MCCC1: variants seen among roughly 807,000 people sequenced by gnomAD.
The protein encoded by MCCC1 is methylcrotonoyl-CoA carboxylase subunit alpha, mitochondrial.
A neutral mutation model predicts 83.8 loss-of-function variants in MCCC1; 64 were observed. That is an observed-to-expected ratio of 0.76 (90% CI 0.62 to 0.94). MCCC1 has a LOEUF of 0.94. MCCC1 is among the 40% of genes least tolerant of loss of function. The pLI, the probability that MCCC1 is intolerant of heterozygous loss-of-function variation, is 0.00. For synonymous variants in MCCC1, 322 were observed against 315.4 expected (o/e 1.02, Z -0.22); for missense variants, 807 against 904.7 (o/e 0.89, Z 1.39).
chr3:183,059,096 C>T (rs1043474391), intron 7 of MCCC1, among the ~76,000 whole-genome samples: 1 of 152,090 alleles, frequency 6.6e-6, no homozygotes, highest in African/African-American at 2.4e-5. Context: ...TCACCTGAGG[C>T]CAGGAGTTCA....
upstream of MCCC1, chr3:183,099,612 C>G: frequency 1.3e-6 from 1 of 746,852 alleles, no homozygotes; most frequent in East Asian, 2.7e-5. Context: ...GAACACCAAT[C>G]AAAGACCAGA....
intron 7 of MCCC1, among the ~76,000 whole-genome samples, chr3:183,061,093 G>A (rs370451112): frequency 2.0e-5 from 3 of 152,074 alleles, no homozygotes; most frequent in African/African-American, 4.8e-5. Context: ...TGGGGATAGC[G>A]GGTTAGGTTT....
intron 14 of MCCC1, among the ~76,000 whole-genome samples, chr3:183,030,178 C>T (rs1712935014): frequency 6.6e-6 from 1 of 152,072 alleles, no homozygotes; most frequent in South Asian, 2.1e-4. Context: ...CATGGTGGCA[C>T]ACACCTGTAG....
At chr3:183,057,547 T>C (rs775893688) in intron 7 of MCCC1, 125 bp from the exon 8 acceptor site, 2 of 808,050 alleles carry the variant, frequency 2.5e-6, no homozygotes, top group African/African-American at 3.4e-5. Flanking sequence ...AAGTAAGATC[T>C]GATATTTTGA....
intron 4 of MCCC1, 93 bp from the exon 5 acceptor site, chr3:183,072,580 C>T (rs1716777428): frequency 1.5e-5 from 20 of 1,357,172 alleles, no homozygotes; most frequent in Non-Finnish European, 2.0e-5. Flanking sequence ...TGGGAGGCCT[C>T]TCCCTACACT....
At chr3:183,033,894 T>C in intron 14 of MCCC1, 97 bp downstream of exon 14, 1 of 921,648 alleles carries the variant, frequency 1.1e-6, no homozygotes, top group East Asian at 2.4e-5. Context: ...TTAAAAAATG[T>C]AACTGACTGA....
chr3:183,101,803 C>T (rs1719312914), upstream of MCCC1, among the ~76,000 whole-genome samples: 1 of 152,238 alleles, frequency 6.6e-6, no homozygotes, highest in Non-Finnish European at 1.5e-5. Context: ...TGAGCTGTAA[C>T]ACTTATCACG....
chr3:183,045,426 T>G lies in MCCC1; in HGVS notation c.1070A>C (p.Glu357Ala). 6.2e-7 allele frequency: 1 copy of G among 1,614,106 alleles called. No individual in the cohort carries two copies. ...TEMITGTDLV[E>A]WQLRIAAGEK... ...AAATATTCTCACTCTAAGCTGCCAC[T>G]CCACCAAGTCAGTTCCTGTGATCAT... is the stretch of plus-strand genomic sequence containing the variant. Residue 357 changes from glutamate (E) to alanine (A), a missense_variant, in exon 10 of 19, where the codon GAG (glutamate) becomes GCG (alanine). Coordinates refer to ENST00000265594, the MANE Select transcript of MCCC1 (RefSeq NM_020166.5).
chr3:183,094,411 C>G (rs1054532163), intron 2 of MCCC1, 148 bp downstream of exon 2: 3 of 785,062 alleles, frequency 3.8e-6, no homozygotes, highest in Non-Finnish European at 4.3e-6. Flanking sequence ...AAAACCATGA[C>G]TTAACACTTC....
At chr3:183,077,940 G>A (rs1560264614) in intron 4 of MCCC1, among the ~76,000 whole-genome samples, 1 of 152,118 alleles carries the variant, frequency 6.6e-6, no homozygotes, top group Non-Finnish European at 1.5e-5. Flanking sequence ...ACATATGTGA[G>A]TTTATTTTTG....
chr3:183,069,993 G>T (rs1446425505), intron 7 of MCCC1, among the ~76,000 whole-genome samples: 1 of 152,166 alleles, frequency 6.6e-6, no homozygotes, highest in African/African-American at 2.4e-5. Flanking sequence ...CCTCAGAAAA[G>T]TAACACAACA....
At chr3:183,109,290 C>T (rs1719453994) in intron 1 of MCCC1, among the ~76,000 whole-genome samples, 2 of 152,074 alleles carry the variant, frequency 1.3e-5, no homozygotes, top group African/African-American at 4.8e-5. Context: ...CCGTGCCTGG[C>T]CATGTGTAGG....
At chr3:183,041,848 T>C (rs747954514) in intron 10 of MCCC1, 98 bp from the exon 11 acceptor site, 191 of 1,405,250 alleles carry the variant, frequency 1.4e-4, no homozygotes, top group Non-Finnish European at 1.7e-4. Context: ...AAAATGTACA[T>C]TTAGGTTTTG....
chr3:183,022,598 A>T (rs1434268215), intron 15 of MCCC1, 44 bp from the exon 16 acceptor site: 1 of 1,472,392 alleles, frequency 6.8e-7, no homozygotes, highest in African/African-American at 1.4e-5. Flanking sequence ...AATGAACAAC[A>T]CTACAGAATT....
chr3:183,033,621 C>T (rs934748534), intron 14 of MCCC1, among the ~76,000 whole-genome samples: 1 of 151,982 alleles, frequency 6.6e-6, no homozygotes, highest in Middle Eastern at 3.4e-3. Context: ...AAAAGTAATA[C>T]ATTCTCGCTG....
chr3:183,102,376 A>G (rs904651158), upstream of MCCC1, among the ~76,000 whole-genome samples: 1 of 152,132 alleles, frequency 6.6e-6, no homozygotes, highest in Non-Finnish European at 1.5e-5. Context: ...AAAAGAAGCA[A>G]AAAAAATAAC....
intron 5 of MCCC1, among the ~76,000 whole-genome samples, chr3:183,072,161 C>G (rs1022462531): frequency 3.3e-5 from 5 of 151,942 alleles, no homozygotes; most frequent in African/African-American, 1.2e-4. Context: ...AGCCACTGTG[C>G]CCAGGCCTGG....
intron 14 of MCCC1, among the ~76,000 whole-genome samples, chr3:183,032,731 G>A (rs1481088646): frequency 3.9e-5 from 6 of 152,074 alleles, no homozygotes; most frequent in African/African-American, 7.3e-5. Context: ...AAACTTAGCC[G>A]GGCGTGGTGG....
At chr3:183,078,179 C>T (rs1158602157) in intron 4 of MCCC1, among the ~76,000 whole-genome samples, 1 of 152,134 alleles carries the variant, frequency 6.6e-6, no homozygotes, top group African/African-American at 2.4e-5. Flanking sequence ...GTCACCATGC[C>T]TGGCTAATTT....
Sources: allele counts gnomAD v4.1 joint callset (sites outside exome capture counted in the v4.1 genomes callset), GRCh38; gene constraint gnomAD v4.1.1; transcripts MANE v1.5; gene names NCBI Gene and HGNC (gene_info 2026-07-23, HGNC 2026-07-21).